The following SLC35F4 variants were observed in gnomAD, a reference collection of about 807,000 sequenced individuals.
SLC35F4 encodes solute carrier family 35 member F4, also known as chromosome 14 open reading frame 36.
In SLC35F4, 24 loss-of-function variants were observed where a neutral mutation model predicts 44.2. That is an observed-to-expected ratio of 0.54 (90% CI 0.39 to 0.76). The LOEUF (loss-of-function observed/expected upper bound fraction) is 0.76, where lower values mean the gene tolerates loss of function less well. Among genes scored for constraint, SLC35F4 ranks in the 30% least tolerant of loss-of-function variants. The pLI, the probability that SLC35F4 is intolerant of heterozygous loss-of-function variation, is 0.00. For missense variants in SLC35F4, 562 were observed against 586.1 expected (o/e 0.96, Z 0.42); for synonymous variants, 238 against 223.6 (o/e 1.06, Z -0.57).
intron 1 of SLC35F4, among the ~76,000 whole-genome samples, chr14:57,861,317 A>G (rs1285776134): frequency 6.6e-6 from 1 of 151,784 alleles, no homozygotes; most frequent in African/African-American, 2.4e-5. Flanking sequence ...CACACACCTT[A>G]CCCTATATCC....
In SLC35F4 at chr14:57,979,111, G is replaced by T. The variant is rs1199236430; in HGVS notation, n.152-2154C>A. On this transcript the variant is annotated intron_variant and non_coding_transcript_variant, in intron 1 of 1. Coordinates refer to the SLC35F4 transcript ENST00000554648. ...TCCATCCCTCAGAGATGGATGTCTG[G>T]GTCAATCCACCAGGCAAGCAACCTA... is the stretch of plus-strand genomic sequence containing the variant. Among the ~76,000 whole-genome samples the T allele has an allele frequency of 2.0e-5, 3 of 152,168 alleles. No individual in the cohort carries two copies. In the East Asian group the frequency reaches 5.8e-4, roughly 29 times the overall value.
chr14:57,800,662 G>C (rs1290928649), intron 1 of SLC35F4, among the ~76,000 whole-genome samples: 2 of 152,130 alleles, frequency 1.3e-5, no homozygotes, highest in Non-Finnish European at 2.9e-5. Flanking sequence ...CCAGTTTAGA[G>C]AGCAACATAA....
chr14:57,614,074 A>C (rs1369668858), intron 1 of SLC35F4, among the ~76,000 whole-genome samples: 3 of 152,174 alleles, frequency 2.0e-5, no homozygotes, highest in Non-Finnish European at 2.9e-5. Flanking sequence ...TCCAGATCTA[A>C]ATGCATTTCC....
At chr14:57,717,168 G>A (rs1207559339) in intron 1 of SLC35F4, among the ~76,000 whole-genome samples, 1 of 152,086 alleles carries the variant, frequency 6.6e-6, no homozygotes, top group Admixed American at 6.5e-5. Flanking sequence ...GATAAATATG[G>A]GAGTGCAGAA....
intron 1 of SLC35F4, among the ~76,000 whole-genome samples, chr14:57,817,084 C>G (rs1882683486): frequency 2.0e-5 from 3 of 152,142 alleles, no homozygotes; most frequent in Admixed American, 1.3e-4. Flanking sequence ...ACCAGTATCA[C>G]TATCAAAAGG....
At chr14:57,795,069 C>T (rs1163272644) in intron 1 of SLC35F4, among the ~76,000 whole-genome samples, 4 of 152,066 alleles carry the variant, frequency 2.6e-5, no homozygotes, top group African/African-American at 9.7e-5. Flanking sequence ...CTCCCTTCCT[C>T]AAAAGGTTGT....
intron 1 of SLC35F4, among the ~76,000 whole-genome samples, chr14:57,733,799 G>T (rs1300251063): frequency 6.6e-6 from 1 of 151,490 alleles, no homozygotes; most frequent in East Asian, 1.9e-4. Context: ...TATAGCCTAG[G>T]AATGTGGACA....
At chr14:57,717,943 A>G (rs1000564049) in intron 1 of SLC35F4, among the ~76,000 whole-genome samples, 1 of 152,212 alleles carries the variant, frequency 6.6e-6, no homozygotes, top group African/African-American at 2.4e-5. Flanking sequence ...ATCAAATACT[A>G]TTGATAGCAC....
At chr14:57,603,059 T>C (rs879625612) in intron 1 of SLC35F4, among the ~76,000 whole-genome samples, 2 of 152,216 alleles carry the variant, frequency 1.3e-5, no homozygotes, top group Non-Finnish European at 2.9e-5. Flanking sequence ...TAGAATTAGA[T>C]TGTGGAGTAA....
intron 1 of SLC35F4, among the ~76,000 whole-genome samples, chr14:57,778,286 T>C (rs947155893): frequency 2.0e-5 from 3 of 152,166 alleles, no homozygotes; most frequent in African/African-American, 7.2e-5. Context: ...CTTGGGTATG[T>C]CTTTATCAGC....
intron 1 of SLC35F4, among the ~76,000 whole-genome samples, chr14:57,709,189 C>T (rs2075755240): frequency 6.6e-6 from 1 of 152,012 alleles, no homozygotes. Flanking sequence ...GACTCCCTTT[C>T]CTGGTCTGCT....
chr14:57,781,680 G>A (rs541972630), intron 1 of SLC35F4, among the ~76,000 whole-genome samples: 1 of 152,170 alleles, frequency 6.6e-6, no homozygotes, highest in East Asian at 1.9e-4. Context: ...ATCAATGGCA[G>A]ACTGAATAAA....
chr14:57,803,586 T>C lies in SLC35F4; in HGVS notation c.103+62137A>G, dbSNP rs898713551. On this transcript the variant is annotated intron_variant, in intron 1 of 7. Transcript: ENST00000556826. ...GTCTCAGCCCAAAAGCTTCTTCTTTTTTTTTTTTTTTTTTTTTTTTGAGAT... is the reference window on the plus strand; with the variant it reads ...GTCTCAGCCCAAAAGCTTCTTCTTTCTTTTTTTTTTTTTTTTTTTTGAGAT... 5.6e-3 allele frequency among the ~76,000 whole-genome samples: 759 copies of C among 135,704 alleles called. 4 individuals carry two copies. The highest frequency in any genetic ancestry group is 0.019 in the African/African-American group (713 of 36,738). The allele number at this position is 135,704 out of a possible 152,430, so 89.0% of individuals were successfully genotyped here.
intron 1 of SLC35F4, among the ~76,000 whole-genome samples, chr14:57,723,833 C>A (rs2076142179): frequency 1.3e-5 from 2 of 152,160 alleles, no homozygotes; most frequent in South Asian, 4.1e-4. Context: ...TGATATTATG[C>A]TGATTGGATC....
chr14:57,678,996 G>A, intron 1 of SLC35F4, among the ~76,000 whole-genome samples: 1 of 152,092 alleles, frequency 6.6e-6, no homozygotes, highest in East Asian at 1.9e-4. Flanking sequence ...GAATATCCAG[G>A]ACTTGAACTC....
intron 1 of SLC35F4, among the ~76,000 whole-genome samples, chr14:57,917,823 C>T (rs76358723): frequency 0.011 from 1,633 of 152,252 alleles, 27 homozygotes; most frequent in African/African-American, 0.037. Context: ...TTTTTCAATC[C>T]ATTTCCACCC....
At chr14:57,585,563 C>G (rs2069647012) in intron 3 of SLC35F4, among the ~76,000 whole-genome samples, 1 of 152,180 alleles carries the variant, frequency 6.6e-6, no homozygotes, top group Non-Finnish European at 1.5e-5. Context: ...TCTCTGTTTG[C>G]AGATGACATG....
chr14:57,904,671 T>A (rs1008853529), intron 1 of SLC35F4, among the ~76,000 whole-genome samples: 2 of 152,174 alleles, frequency 1.3e-5, no homozygotes, highest in African/African-American at 4.8e-5. Context: ...TTTACATGTA[T>A]CATCTTCAAT....
chr14:57,691,266 A>G (rs773441427), intron 1 of SLC35F4, among the ~76,000 whole-genome samples: 3 of 152,208 alleles, frequency 2.0e-5, no homozygotes, highest in Non-Finnish European at 4.4e-5. Flanking sequence ...AACGGCAGAA[A>G]GATGAAATGC....
Sources: gnomAD v4.1 joint callset for allele counts (sites outside exome capture counted in the v4.1 genomes callset) on GRCh38, gnomAD v4.1.1 for gene constraint, MANE v1.5 for transcripts, NCBI Gene and HGNC (gene_info 2026-07-23, HGNC 2026-07-21) for gene names.